GRIA4: variants seen among roughly 807,000 people sequenced by gnomAD.
GRIA4 encodes the protein glutamate ionotropic receptor AMPA type subunit 4, also known as glutamate receptor 4.
Under a neutral mutation model 104.0 loss-of-function variants are expected in GRIA4, and 34 were observed. The observed-to-expected ratio is 0.33, with a 90% CI of 0.25 to 0.44. GRIA4 has a LOEUF of 0.44. Ranked by LOEUF, GRIA4 falls within the 20% of genes least tolerant of loss-of-function variation. GRIA4 has a pLI of 1.00. For synonymous variants in GRIA4, 386 were observed against 381.9 expected, an observed-to-expected ratio of 1.01 and a Z score of -0.13; for missense variants, 750 against 1,096.5, an observed-to-expected ratio of 0.68 and a Z score of 4.46.
intron 14 of GRIA4, among the ~76,000 whole-genome samples, chr11:105,948,413 G>A (rs1948370359): frequency 6.6e-6 from 1 of 151,954 alleles, no homozygotes; most frequent in Non-Finnish European, 1.5e-5. Flanking sequence ...CATGTGGTGA[G>A]TTAAATACAT....
At chr11:105,912,533 A>AAT (rs887784101) in intron 10 of GRIA4, 37 of 259,940 alleles carry the variant, frequency 1.4e-4, no homozygotes, top group South Asian at 7.3e-4. Flanking sequence ...TATATATATA[A>AAT]ATATATATAT....
intron 3 of GRIA4, among the ~76,000 whole-genome samples, chr11:105,702,886 G>A (rs1048950000): frequency 1.3e-5 from 2 of 151,638 alleles, no homozygotes; most frequent in African/African-American, 4.8e-5. Flanking sequence ...GCAGAGATGC[G>A]GTTTCACCAT....
intron 13 of GRIA4, among the ~76,000 whole-genome samples, chr11:105,929,468 A>C (rs1947813356): frequency 6.6e-6 from 1 of 152,120 alleles, no homozygotes; most frequent in Non-Finnish European, 1.5e-5. Flanking sequence ...TGGTGAGCCT[A>C]AATATAGAGG....
At position 105,728,250 on chromosome 11, in the gene GRIA4, AC is replaced by A. The variant is rs201682028; in HGVS notation, c.248-24729del. Among the ~76,000 whole-genome samples the A allele has an allele frequency of 1.8e-4, 27 of 152,322 alleles. No homozygotes were observed. In the East Asian group the frequency reaches 4.4e-3, roughly 25 times the overall value. On this transcript the variant is annotated intron_variant, in intron 3 of 16. Transcript: ENST00000282499. ...TATTCTCTGATAAAACATATTTTAA[AC>A]CAACAAAGATCAAAAAAGACAAAGA...
intron 4 of GRIA4, among the ~76,000 whole-genome samples, chr11:105,763,198 C>A (rs1029390313): frequency 1.3e-5 from 2 of 152,116 alleles, no homozygotes; most frequent in East Asian, 3.9e-4. Flanking sequence ...GAGGAGAAAG[C>A]ACTCCAAGTA....
At chr11:105,948,134 T>A (rs1266484795) in intron 14 of GRIA4, among the ~76,000 whole-genome samples, 1 of 152,212 alleles carries the variant, frequency 6.6e-6, no homozygotes, top group Non-Finnish European at 1.5e-5. Context: ...CCTATTTCTA[T>A]AAGCAGCACT....
At chr11:105,783,593 G>A (rs17104532) in intron 4 of GRIA4, among the ~76,000 whole-genome samples, 13,429 of 152,132 alleles carry the variant, frequency 0.088, 1,435 homozygotes, top group African/African-American at 0.25. Context: ...TTCCTTTATC[G>A]TCCATAGGTT....
At chr11:105,867,249 AAG>A (rs1201714150) in intron 5 of GRIA4, among the ~76,000 whole-genome samples, 1 of 152,178 alleles carries the variant, frequency 6.6e-6, no homozygotes, top group Non-Finnish European at 1.5e-5. Flanking sequence ...ATCAATGAGA[AAG>A]AGAGGAAAAT....
In GRIA4 at chr11:105,708,606, A is replaced by C. The variant is rs1285437609; in HGVS notation, c.248-44375A>C. 2.0e-5 allele frequency among the ~76,000 whole-genome samples: 3 copies of C among 152,102 alleles called. No homozygotes were observed. In the East Asian group the frequency reaches 5.8e-4, roughly 29 times the overall value. ...GATATTTTGATTGGTTACCATACCC[A>C]GATACGGTACACTAGTTAATAATTT... On this transcript the variant is annotated intron_variant, in intron 3 of 16. Coordinates refer to ENST00000282499, the MANE Select transcript of GRIA4 (RefSeq NM_000829.4).
chr11:105,946,660 A>G (rs920339182), intron 14 of GRIA4, among the ~76,000 whole-genome samples: 2 of 151,890 alleles, frequency 1.3e-5, no homozygotes, highest in African/African-American at 4.8e-5. Flanking sequence ...AGAAAAATAG[A>G]CCATAGGGAT....
At position 105,652,093 on chromosome 11, in the gene GRIA4, T is replaced by C. The variant is rs116855271; in HGVS notation, c.247+39659T>C. Among the ~76,000 whole-genome samples, 712 of 152,256 alleles carry C rather than the reference T, an allele frequency of 4.7e-3. 12 individuals are homozygous for C. Among genetic ancestry groups the C allele is most frequent in the East Asian group, 0.046 (239 of 5,160 alleles). On this transcript the variant is annotated intron_variant, in intron 3 of 16. Transcript: ENST00000282499. ...TAATACAGTTACTGAAAAACCCTTA[T>C]GCCTATAGAAAGGGATTGAAATTTA...
rs949061749 is a variant in GRIA4 at position 105,653,120 on chromosome 11, C to T, written c.247+40686C>T. ...TAGAGACGGGGTTTCACCGTGCTAG[C>T]CAGGATGGTCTCGATCTCCTGACCT... On this transcript the variant is annotated intron_variant, in intron 3 of 16. Coordinates refer to ENST00000282499, the MANE Select transcript of GRIA4 (RefSeq NM_000829.4). Among the ~76,000 whole-genome samples the T allele has an allele frequency of 7.2e-5, 11 of 152,186 alleles. 1 individual carries two copies. The highest frequency in any genetic ancestry group is 1.6e-4 in the Non-Finnish European group (11 of 68,032).
At chr11:105,688,501 T>C (rs1281334715) in intron 3 of GRIA4, among the ~76,000 whole-genome samples, 1 of 151,996 alleles carries the variant, frequency 6.6e-6, no homozygotes, top group East Asian at 1.9e-4. Context: ...ACGCGGAGCT[T>C]GTAGTGAGCC....
At chr11:105,670,128 T>C (rs549975925) in intron 3 of GRIA4, among the ~76,000 whole-genome samples, 1 of 152,212 alleles carries the variant, frequency 6.6e-6, no homozygotes, top group East Asian at 1.9e-4. Context: ...GTAATGAGAA[T>C]ATACCATTTG....
At chr11:105,736,205 A>G (rs1308013817) in intron 3 of GRIA4, among the ~76,000 whole-genome samples, 1 of 152,108 alleles carries the variant, frequency 6.6e-6, no homozygotes, top group Non-Finnish European at 1.5e-5. Flanking sequence ...GTAGTGGGGT[A>G]AGTACTCTCA....
At chr11:105,923,901 A>G (rs1947636567) in intron 11 of GRIA4, among the ~76,000 whole-genome samples, 1 of 152,168 alleles carries the variant, frequency 6.6e-6, no homozygotes, top group South Asian at 2.1e-4. Flanking sequence ...GTTTACTCAT[A>G]GCTGGAAAGG....
At chr11:105,950,253 C>A (rs1948425871) in intron 14 of GRIA4, among the ~76,000 whole-genome samples, 2 of 151,974 alleles carry the variant, frequency 1.3e-5, no homozygotes, top group African/African-American at 4.8e-5. Context: ...AAGGCTTCAA[C>A]TAAAGTGATG....
intron 3 of GRIA4, among the ~76,000 whole-genome samples, chr11:105,716,896 CA>C (rs1435530680): frequency 5.9e-5 from 9 of 152,072 alleles, no homozygotes; most frequent in Non-Finnish European, 4.4e-5. Context: ...TTTAGAAGAG[CA>C]AATTGTTCTC....
At chr11:105,935,069 T>C (rs1316398127) in intron 14 of GRIA4, among the ~76,000 whole-genome samples, 2 of 152,182 alleles carry the variant, frequency 1.3e-5, no homozygotes, top group South Asian at 4.1e-4. Context: ...CTTGTTTTCA[T>C]TGGTTTCAAA....
Sources: gnomAD v4.1 joint callset for allele counts (sites outside exome capture counted in the v4.1 genomes callset) on GRCh38, gnomAD v4.1.1 for gene constraint, MANE v1.5 for transcripts, NCBI Gene and HGNC (gene_info 2026-07-23, HGNC 2026-07-21) for gene names.